ZNF480: variants seen among roughly 807,000 people sequenced by gnomAD.
The protein encoded by ZNF480 is zinc finger protein 480.
ZNF480 carries 15 observed loss-of-function variants against 14.4 expected under a neutral mutation model. That is an observed-to-expected ratio of 1.04 (90% CI 0.70 to 1.60). The LOEUF is 1.60. Among genes scored for constraint, ZNF480 ranks in the 40% most tolerant of loss-of-function variants. ZNF480 has a pLI of 0.00. For missense variants in ZNF480, 593 were observed against 629.7 expected (o/e 0.94, Z 0.62); for synonymous variants, 218 against 215.5 (o/e 1.01, Z -0.10).
chr19:52,312,420 A>C (rs1983331872), intron 2 of ZNF480, among the ~76,000 whole-genome samples: 1 of 152,030 alleles, frequency 6.6e-6, no homozygotes, highest in East Asian at 1.9e-4. Context: ...TTGACCTCCC[A>C]AAGTGCTGGG....
intron 3 of ZNF480, 66 bp from the exon 4 acceptor site, chr19:52,315,768 T>C: frequency 6.5e-7 from 1 of 1,547,240 alleles, no homozygotes; most frequent in African/African-American, 1.4e-5. Flanking sequence ...CCTGTCTCCT[T>C]CCTACACATA....
At position 52,310,824 on chromosome 19, in the gene ZNF480, C is replaced by T. The variant is rs192179810; in HGVS notation, c.73-3329C>T. ...GACCATCCTGGCTAACACAGTGAAA[C>T]CCTGTCTCTACTAAAAATACAAAAA... is the stretch of plus-strand genomic sequence containing the variant. On this transcript the variant is annotated intron_variant, in intron 2 of 4. Coordinates refer to ENST00000595962, the MANE Select transcript of ZNF480 (RefSeq NM_144684.4). 6.1e-3 allele frequency among the ~76,000 whole-genome samples: 921 copies of T among 151,298 alleles called. 10 individuals are homozygous for T. The highest frequency in any genetic ancestry group is 0.03 in the South Asian group (145 of 4,790).
In ZNF480 at chr19:52,322,854, G is replaced by T. The variant is rs1012033969; in HGVS notation, c.1604G>T (p.Gly535Val). 2.6e-6 allele frequency: 4 copies of T among 1,560,192 alleles called. No homozygotes were observed. Among genetic ancestry groups the T allele is most frequent in the African/African-American group, 2.7e-5 (2 of 73,638 alleles). ...YLAQHWTIHM[G>V] ...GCACAACATTGGACAATTCATATGG[G>T]ATAGAAACTACAAATGCAACAAATG... Residue 535 changes from glycine (G) to valine (V), a missense_variant, in exon 5 of 5, where the codon GGA (glycine) becomes GTA (valine). Gly to Val is a moderately radical substitution (Grantham distance 109). Transcript: ENST00000595962.
At position 52,314,242 on chromosome 19, in the gene ZNF480, T is replaced by C; in HGVS notation, c.162T>C (p.Asp54=). The change falls in exon 3 of 5, where the codon GAT becomes GAC. Residue 54 remains aspartate, a synonymous_variant. Transcript: ENST00000595962. ...CTGCACAGAGGGCTTTATACAAGGA[T>C]GTGATGTTGGAGAACTACAGGAACC... ...LDPAQRALYK[D]VMLENYRNLV... is the part of the protein sequence containing the mutation. 6.3e-7 allele frequency: 1 copy of C among 1,578,058 alleles called. No homozygotes were observed. Among genetic ancestry groups the C allele is most frequent in the Non-Finnish European group, 8.6e-7 (1 of 1,157,462 alleles).
intron 2 of ZNF480, among the ~76,000 whole-genome samples, chr19:52,311,987 A>G (rs1277573311): frequency 6.6e-6 from 1 of 152,112 alleles, no homozygotes; most frequent in East Asian, 1.9e-4. Flanking sequence ...GAGCAAGCCT[A>G]TGGTTTTATT....
intron 2 of ZNF480, among the ~76,000 whole-genome samples, chr19:52,313,598 C>T (rs1983398459): frequency 6.6e-6 from 1 of 152,084 alleles, no homozygotes; most frequent in African/African-American, 2.4e-5. Context: ...ATAGAGATAA[C>T]CATGGGTTAA....
intron 4 of ZNF480, among the ~76,000 whole-genome samples, chr19:52,321,245 T>A (rs1052884269): frequency 1.3e-5 from 2 of 152,168 alleles, no homozygotes; most frequent in Non-Finnish European, 2.9e-5. Context: ...TTTGTGCATG[T>A]ACTGTTATTA....
chr19:52,312,479 G>T (rs1000078366), intron 2 of ZNF480, among the ~76,000 whole-genome samples: 3 of 152,036 alleles, frequency 2.0e-5, no homozygotes, highest in Non-Finnish European at 2.9e-5. Flanking sequence ...TTTTATGAAG[G>T]TCCATGATTT....
Position 52,321,840 on chromosome 19 carries a change from A to T in ZNF480, c.590A>T (p.His197Leu). ...SSFLPQEQKV[H>L]LREKPYECNE... Reference sequence around the variant, plus strand: ...TTTCTCCCACAAGAACAGAAAGTACACCTTAGAGAAAAACCTTATGAATGT... The same window carrying T: ...TTTCTCCCACAAGAACAGAAAGTACTCCTTAGAGAAAAACCTTATGAATGT... The change falls in exon 5 of 5, where the codon CAC (histidine) becomes CTC (leucine). Residue 197 changes from histidine (H) to leucine (L), a missense_variant. His to Leu is a moderately conservative substitution (Grantham distance 99, BLOSUM62 -3). Transcript: ENST00000595962. 1 of 1,614,146 alleles carries T rather than the reference A, an allele frequency of 6.2e-7. No homozygotes were observed. Among genetic ancestry groups the T allele is most frequent in the African/African-American group, 1.3e-5 (1 of 75,064 alleles).
rs1448970182 is a variant in ZNF480, at chr19:52,325,598, CA to C, written c.*2742del. 2 of 152,170 alleles carry C rather than the reference CA, an allele frequency of 1.3e-5. No homozygotes were observed. The highest frequency in any genetic ancestry group is 2.9e-5 in the Non-Finnish European group (2 of 68,032). 9.4% of individuals were successfully genotyped at this position (152,170 alleles called of 1,614,324 possible). On this transcript the variant is annotated 3_prime_UTR_variant, in exon 5 of 5. Transcript: ENST00000595962. Reference sequence around the variant, plus strand: ...AATACTATGCAGCCATAAAAAAGAACAAGACTGTGTCCTTTACAGCAACATA... The same window carrying C: ...AATACTATGCAGCCATAAAAAAGAACAGACTGTGTCCTTTACAGCAACATA...
In ZNF480 at chr19:52,322,772, G is replaced by A. The variant is rs543324189; in HGVS notation, c.1522G>A (p.Glu508Lys). The A allele has an allele frequency of 1.2e-6, 2 of 1,613,572 alleles. No individual in the cohort carries two copies. The highest frequency in any genetic ancestry group is 2.2e-5 in the East Asian group (1 of 44,856). Residue 508 changes from glutamate to lysine, a missense_variant, in exon 5 of 5, where the codon GAG becomes AAG. Physicochemically the swap from Glu to Lys is moderately conservative, Grantham distance 56 (BLOSUM62 1). Transcript: ENST00000595962. ...ACGACATCGGAAAATTCATACTGGA[G>A]AGAAACCTTACAAATGTAATGAGTG... ...LARHRKIHTG[E>K]KPYKCNECGK...
chr19:52,323,761 A>T lies in ZNF480; in HGVS notation c.*903A>T, dbSNP rs1041859972. The T allele has an allele frequency of 3.3e-5, 5 of 152,198 alleles. No individual in the cohort carries two copies. The highest frequency in any genetic ancestry group is 5.9e-5 in the Non-Finnish European group (4 of 68,014). The allele number at this position is 152,198 out of a possible 1,614,324, so 9.4% of individuals were successfully genotyped here. On this transcript the variant is annotated 3_prime_UTR_variant, in exon 5 of 5. Transcript: ENST00000595962. The stretch of plus-strand genomic sequence containing the variant: ...TTTTAATAAAATTCAACATCCCTTC[A>T]TTTTAAAAACCCTCAACAAATTACA...
At chr19:52,316,310 T>C (rs1983556477) in intron 4 of ZNF480, among the ~76,000 whole-genome samples, 1 of 151,990 alleles carries the variant, frequency 6.6e-6, no homozygotes, top group African/African-American at 2.4e-5. Context: ...CATTGCAACC[T>C]CTGCCTCCCG....
chr19:52,302,100 A>G, intron 2 of ZNF480: 1 of 243,708 alleles, frequency 4.1e-6, no homozygotes, highest in South Asian at 5.1e-5. Flanking sequence ...CAGGTGTCTT[A>G]ATGGTATCCA....
intron 3 of ZNF480, among the ~76,000 whole-genome samples, chr19:52,315,323 G>GT (rs554332821): frequency 0.018 from 2,523 of 140,696 alleles, 51 homozygotes; most frequent in African/African-American, 0.047. Context: ...TTTATGTTTT[G>GT]TTTTTTTTTT....
chr19:52,325,239 A>G lies in ZNF480; in HGVS notation c.*2381A>G, dbSNP rs1372145149. On this transcript the variant is annotated 3_prime_UTR_variant, in exon 5 of 5. Transcript: ENST00000595962. Reference sequence around the variant, plus strand: ...CCATCTCAGACCTGTCTGAATGGGTATTATCAGAATGGGTATTATTAAAAA... The same window carrying G: ...CCATCTCAGACCTGTCTGAATGGGTGTTATCAGAATGGGTATTATTAAAAA... 6.6e-6 allele frequency: 1 copy of G among 152,224 alleles called. No individual in the cohort carries two copies. The highest frequency in any genetic ancestry group is 1.5e-5 in the Non-Finnish European group (1 of 68,038). The allele number at this position is 152,224 out of a possible 1,614,324, so 9.4% of individuals were successfully genotyped here.
chr19:52,300,373 C>A, intron 1 of ZNF480, 21 bp from the exon 2 acceptor site: 1 of 1,609,450 alleles, frequency 6.2e-7, no homozygotes, highest in South Asian at 1.1e-5. Flanking sequence ...AAGCCCTAAA[C>A]AGCATATTTT....
intron 4 of ZNF480, 143 bp from the exon 5 acceptor site, chr19:52,321,436 C>A: frequency 1.4e-6 from 1 of 692,858 alleles, no homozygotes; most frequent in Non-Finnish European, 2.3e-6. Context: ...TTTCTATTTT[C>A]AGCACAACCA....
At chr19:52,314,752 C>T (rs1462628951) in intron 3 of ZNF480, among the ~76,000 whole-genome samples, 2 of 151,502 alleles carry the variant, frequency 1.3e-5, no homozygotes, top group Non-Finnish European at 2.9e-5. Flanking sequence ...TGCAGTGAGC[C>T]GAGAATGCAC....
Sources: allele counts gnomAD v4.1 joint callset (sites outside exome capture counted in the v4.1 genomes callset), GRCh38; gene constraint gnomAD v4.1.1; transcripts MANE v1.5; gene names NCBI Gene and HGNC (gene_info 2026-07-23, HGNC 2026-07-21).